PDE6A: variants seen among roughly 807,000 people sequenced by gnomAD.
The protein encoded by PDE6A is rod cGMP-specific 3',5'-cyclic phosphodiesterase subunit alpha.
Under a neutral mutation model 106.3 loss-of-function variants are expected in PDE6A, and 84 were observed. The observed-to-expected ratio is 0.79, with a 90% CI of 0.66 to 0.95. The LOEUF (loss-of-function observed/expected upper bound fraction) is 0.95. Ranked by LOEUF, PDE6A falls within the 40% of genes least tolerant of loss-of-function variation. The probability of loss-of-function intolerance (pLI) is 0.00; values close to 1 mark genes in which losing one functional copy is unlikely to be tolerated. For missense variants in PDE6A, 1,052 were observed against 1,084.9 expected, an observed-to-expected ratio of 0.97 and a Z score of 0.43; for synonymous variants, 394 against 386.6, an observed-to-expected ratio of 1.02 and a Z score of -0.23.
intron 1 of PDE6A, among the ~76,000 whole-genome samples, chr5:149,940,302 G>A (rs889808448): frequency 1.4e-4 from 22 of 152,162 alleles, no homozygotes; most frequent in Non-Finnish European, 2.8e-4. Flanking sequence ...AAGAGTTGAA[G>A]GGAGAATAGA....
Position 149,863,246 on chromosome 5 carries a change from C to A in PDE6A, c.2379G>T (p.Glu793Asp), listed in dbSNP as rs1581144337. The A allele has an allele frequency of 6.2e-7, 1 of 1,614,218 alleles. No homozygotes were observed. Among genetic ancestry groups the A allele is most frequent in the African/African-American group, 1.3e-5 (1 of 75,056 alleles). ...FVYKEFSRFH[E>D]EITPMLDGIT... The stretch of plus-strand genomic sequence containing the variant: ...TCCCGTCCAACATTGGGGTGATCTC[C>A]TCGTGGAAACGGGAGAATTCCTAGA... The change falls in exon 21 of 22, where the codon GAG becomes GAT. Residue 793 changes from glutamate to aspartate, a missense_variant. By Grantham distance (45) the Glu-to-Asp change is conservative. Coordinates refer to ENST00000255266, the MANE Select transcript of PDE6A (RefSeq NM_000440.3). The surrounding 1 kb of genome is among the most constrained non-coding windows in gnomAD (Gnocchi z 4.7).
intron 6 of PDE6A, among the ~76,000 whole-genome samples, chr5:149,911,260 G>A (rs1402441319): frequency 6.6e-6 from 1 of 152,108 alleles, no homozygotes; most frequent in Non-Finnish European, 1.5e-5. Flanking sequence ...GCCTGAAATA[G>A]CTTGATGTTT....
intron 8 of PDE6A, among the ~76,000 whole-genome samples, 172 bp downstream of exon 8, chr5:149,903,476 T>TTACCCAGTTAACTCTGTCCCC (rs1753062697): frequency 6.6e-6 from 1 of 152,038 alleles, no homozygotes; most frequent in African/African-American, 2.4e-5. Flanking sequence ...ACCTTGGAAA[T>TTACCCAGTTAACTCTGTCCCC]TACCCAGTTA....
At chr5:149,886,887 G>A (rs934671240) in intron 13 of PDE6A, among the ~76,000 whole-genome samples, 3 of 152,166 alleles carry the variant, frequency 2.0e-5, no homozygotes, top group Admixed American at 6.5e-5. Flanking sequence ...CCAAATGTGG[G>A]AAAGTGCTCT....
intron 6 of PDE6A, among the ~76,000 whole-genome samples, chr5:149,912,430 G>A (rs1370135825): frequency 1.3e-5 from 2 of 152,194 alleles, no homozygotes; most frequent in African/African-American, 2.4e-5. Flanking sequence ...TCTATCCTGG[G>A]CACAAGGTCA....
At chr5:149,884,354 A>ATGTATATATATGTATATATG in intron 16 of PDE6A, 125 bp downstream of exon 16, 1 of 676,012 alleles carries the variant, frequency 1.5e-6, no homozygotes, top group Non-Finnish European at 2.7e-6. Flanking sequence ...GTGTGTATAT[A>ATGTATATATATGTATATATG]TGTGTATATA....
chr5:149,923,503 AATAAC>A (rs70973555), intron 4 of PDE6A, among the ~76,000 whole-genome samples: 1,752 of 137,270 alleles, frequency 0.013, 16 homozygotes, highest in South Asian at 0.022. Flanking sequence ...GTCTCAAATA[AATAAC>A]ATAACATAAC....
rs371196623 is a variant in PDE6A at position 149,884,412 on chromosome 5, GTA to G, written c.2027+65_2027+66del. The stretch of plus-strand genomic sequence containing the variant: ...TGTGTATATATGTATATATATGTGT[GTA>G]TATATATATATGCATACATATAATC... On this transcript the variant is annotated intron_variant, in intron 16 of 21. Coordinates refer to ENST00000255266, the MANE Select transcript of PDE6A (RefSeq NM_000440.3). 876 of 866,276 alleles carry G rather than the reference GTA, an allele frequency of 1.0e-3. 1 individual carries two copies. The highest frequency in any genetic ancestry group is 3.4e-3 in the East Asian group (125 of 36,986). The allele number at this position is 866,276 out of a possible 1,614,324, so 53.7% of individuals were successfully genotyped here.
In PDE6A at chr5:149,944,724, C is replaced by G. The variant is rs1754420440; in HGVS notation, c.-51G>C. On this transcript the variant is annotated 5_prime_UTR_variant, in exon 1 of 22. Coordinates refer to ENST00000255266, the MANE Select transcript of PDE6A (RefSeq NM_000440.3). ...GTAGAAGGACTGGGACGGAGGCCTT[C>G]CAATGGCAGTTTTGCAGTCTGCAAC... is the stretch of plus-strand genomic sequence containing the variant. The G allele has an allele frequency of 6.8e-7, 1 of 1,469,570 alleles. No individual in the cohort carries two copies. The highest frequency in any genetic ancestry group is 2.4e-5 in the East Asian group (1 of 42,104). 91.0% of individuals were successfully genotyped at this position (1,469,570 alleles called of 1,614,324 possible).
At position 149,883,433 on chromosome 5, in the gene PDE6A, C is replaced by G; in HGVS notation, c.2131G>C (p.Val711Leu). ...TTTAACCCCATCCCAACTCACATAACGATTTCCTTCCGTGTCTGCTCCAGC... is the reference window on the plus strand; with the variant it reads ...TTTAACCCCATCCCAACTCACATAAGGATTTCCTTCCGTGTCTGCTCCAGC... ...MMLEQTRKEI[V>L]MAMMMTACDL... Residue 711 changes from valine (V) to leucine (L), a missense_variant, in exon 17 of 22, where the codon GTT (valine) becomes CTT (leucine). Transcript: ENST00000255266. 6.2e-7 allele frequency: 1 copy of G among 1,608,764 alleles called. No homozygotes were observed. The highest frequency in any genetic ancestry group is 8.5e-7 in the Non-Finnish European group (1 of 1,175,098).
chr5:149,900,375 GTATATATATATATA>G (rs55680278), intron 8 of PDE6A, among the ~76,000 whole-genome samples: 2 of 82,584 alleles, frequency 2.4e-5, no homozygotes, highest in African/African-American at 3.8e-5. Flanking sequence ...AAATATATAT[GTATATATATATATA>G]TATATATATC....
In PDE6A at chr5:149,934,581, G is replaced by T; in HGVS notation, c.612C>A (p.Thr204=). The T allele has an allele frequency of 6.2e-7, 1 of 1,613,974 alleles. No homozygotes were observed. The highest frequency in any genetic ancestry group is 8.5e-7 in the Non-Finnish European group (1 of 1,179,878). The part of the protein sequence containing the change: ...AVNKVDGSHF[T]KRDEEILLKY... ...GCATTCTTACCTCTTCATCTCTCTT[G>T]GTGAAGTGGGATCCATCCACTTTAT... The change falls in exon 2 of 22, where the codon ACC becomes ACA. Residue 204 remains threonine, a synonymous_variant. Transcript: ENST00000255266.
rs748565237 is a variant in PDE6A at position 149,860,865 on chromosome 5, TGCCGTCCA to T, written c.*22_*29del. 2 of 1,588,670 alleles carry T rather than the reference TGCCGTCCA, an allele frequency of 1.3e-6. No homozygotes were observed. The highest frequency in any genetic ancestry group is 1.1e-5 in the South Asian group (1 of 90,414). On this transcript the variant is annotated 3_prime_UTR_variant, in exon 22 of 22. Coordinates refer to ENST00000255266, the MANE Select transcript of PDE6A (RefSeq NM_000440.3). ...GTCATCTCTTCCCAGGAAAGGGTGG[TGCCGTCCA>T]GCCAGCACATCCCCAGTGGTGTTAC...
rs1197935604 is a variant in PDE6A at position 149,921,718 on chromosome 5, G to A, written c.859-9C>T. On this transcript the variant is annotated splice_polypyrimidine_tract_variant and intron_variant, in intron 4 of 21. Coordinates refer to ENST00000255266, the MANE Select transcript of PDE6A (RefSeq NM_000440.3). ...CACACATCAAAAAATTCCTAGGAAT[G>A]AGAAAAACAATAATTACATGTTTTG... is the stretch of plus-strand genomic sequence containing the variant. 1 of 1,608,654 alleles carries A rather than the reference G, an allele frequency of 6.2e-7. No individual in the cohort carries two copies. Among genetic ancestry groups the A allele is most frequent in the Admixed American group, 1.7e-5 (1 of 59,982 alleles).
chr5:149,911,842 CAA>C (rs11430549), intron 6 of PDE6A, among the ~76,000 whole-genome samples: 16 of 66,086 alleles, frequency 2.4e-4, no homozygotes, highest in African/African-American at 6.8e-4. Context: ...TCTCTATTAC[CAA>C]AAAAAAAAAA....
At chr5:149,881,146 G>A (rs1446799307) in intron 17 of PDE6A, among the ~76,000 whole-genome samples, 1 of 152,176 alleles carries the variant, frequency 6.6e-6, no homozygotes, top group African/African-American at 2.4e-5. Flanking sequence ...TGCACTGCTG[G>A]TGAGAATGTA....
chr5:149,908,605 TG>T (rs1159671638), intron 6 of PDE6A, among the ~76,000 whole-genome samples: 1 of 152,258 alleles, frequency 6.6e-6, no homozygotes, highest in East Asian at 1.9e-4. Flanking sequence ...TCATTTGCAT[TG>T]TTTTTTTGTG....
intron 5 of PDE6A, among the ~76,000 whole-genome samples, chr5:149,918,959 G>A (rs761791783): frequency 2.1e-4 from 32 of 152,060 alleles, no homozygotes; most frequent in Admixed American, 1.4e-3. Context: ...AAATAGTCAA[G>A]TTGTACCCTA....
At chr5:149,876,913 TGATAGATA>T (rs201047279) in intron 17 of PDE6A, among the ~76,000 whole-genome samples, 1 of 151,276 alleles carries the variant, frequency 6.6e-6, no homozygotes, top group Non-Finnish European at 1.5e-5. Context: ...TGATGAGAGA[TGATAGATA>T]GATAGATAGA....
Sources: gnomAD v4.1 joint callset for allele counts (sites outside exome capture counted in the v4.1 genomes callset) on GRCh38, gnomAD v4.1.1 for gene constraint, Gnocchi (gnomAD v3.1) non-coding constraint, MANE v1.5 for transcripts, NCBI Gene and HGNC (gene_info 2026-07-23, HGNC 2026-07-21) for gene names.